The following CLNK variants were observed in gnomAD, a reference collection of about 807,000 sequenced individuals.
The protein encoded by CLNK is cytokine-dependent hematopoietic cell linker.
A neutral mutation model predicts 68.6 loss-of-function variants in CLNK; 74 were observed. The ratio of observed to expected loss-of-function variants is 1.08; its 90% confidence interval spans 0.89 to 1.31. CLNK has a LOEUF of 1.31. Among genes scored for constraint, CLNK ranks in the 50% most tolerant of loss-of-function variants. CLNK has a pLI of 0.00. For missense variants in CLNK, 553 were observed against 515.3 expected (o/e 1.07, Z -0.71); for synonymous variants, 198 against 172.2 (o/e 1.15, Z -1.17).
At chr4:10,602,662 C>T (rs890489276) in intron 2 of CLNK, among the ~76,000 whole-genome samples, 1 of 152,138 alleles carries the variant, frequency 6.6e-6, no homozygotes, top group Non-Finnish European at 1.5e-5. Context: ...TGTATTCAGC[C>T]AGTACGTTTA....
At chr4:10,618,330 G>C (rs1722309684) in intron 2 of CLNK, among the ~76,000 whole-genome samples, 1 of 152,172 alleles carries the variant, frequency 6.6e-6, no homozygotes, top group Admixed American at 6.5e-5. Flanking sequence ...CAAATCTGTA[G>C]AGAAAAAAGT....
At chr4:10,616,163 T>A (rs925570675) in intron 2 of CLNK, among the ~76,000 whole-genome samples, 9 of 152,256 alleles carry the variant, frequency 5.9e-5, no homozygotes, top group African/African-American at 1.9e-4. Flanking sequence ...TACATCTATT[T>A]TATCTGAATG....
chr4:10,715,126 T>C, the CLNK span, among the ~76,000 whole-genome samples: 107 of 152,338 alleles, frequency 7.0e-4, no homozygotes, highest in African/African-American at 2.5e-3. Context: ...TTATATATTG[T>C]CAAAGTGTGT....
chr4:10,491,380 GTA>G (rs1311729311), intron 18 of CLNK, among the ~76,000 whole-genome samples: 2 of 69,924 alleles, frequency 2.9e-5, no homozygotes, highest in Non-Finnish European at 7.9e-5. Context: ...CTCGAATGTA[GTA>G]AATTGGTGGG....
intron 2 of CLNK, among the ~76,000 whole-genome samples, chr4:10,599,288 T>C (rs1201633111): frequency 6.6e-6 from 1 of 152,196 alleles, no homozygotes; most frequent in Non-Finnish European, 1.5e-5. Flanking sequence ...TTATGATGAC[T>C]TGAGGCTCTC....
In CLNK at chr4:10,539,863, T is replaced by A. The variant is rs150535152; in HGVS notation, c.602+631A>T. On this transcript the variant is annotated intron_variant, in intron 11 of 18. Coordinates refer to ENST00000226951, the MANE Select transcript of CLNK (RefSeq NM_052964.4). ...TCTGAATCCCCTTTCAGTTCTTACA[T>A]AAAATATGCTGATTCTGTTCTGGCA... 6.3e-3 allele frequency among the ~76,000 whole-genome samples: 965 copies of A among 152,370 alleles called. 29 individuals are homozygous for A. The South Asian group carries it at 0.071, about 11-fold the overall frequency.
chr4:10,641,860 T>C (rs4259057), intron 2 of CLNK, among the ~76,000 whole-genome samples: 32,813 of 152,068 alleles, frequency 0.22, 3,861 homozygotes, highest in Middle Eastern at 0.33. Flanking sequence ...CTCATGGTAG[T>C]GATTAAGTCT....
At chr4:10,511,984 A>G (rs1191708474) in intron 16 of CLNK, among the ~76,000 whole-genome samples, 1 of 152,186 alleles carries the variant, frequency 6.6e-6, no homozygotes. Context: ...AATATTATTA[A>G]CTAAATGTTA....
At chr4:10,530,118 A>AT (rs1011418600) in intron 12 of CLNK, among the ~76,000 whole-genome samples, 4 of 148,650 alleles carry the variant, frequency 2.7e-5, no homozygotes, top group African/African-American at 5.0e-5. Context: ...CTAATTCTGT[A>AT]TTTTTTTTAA....
chr4:10,617,186 C>T (rs1430202472), intron 2 of CLNK, among the ~76,000 whole-genome samples: 3 of 152,164 alleles, frequency 2.0e-5, no homozygotes, highest in African/African-American at 7.2e-5. Flanking sequence ...TCTTTCCTCC[C>T]CTCCCCATCC....
At chr4:10,511,169 T>G (rs1205270101) in intron 16 of CLNK, among the ~76,000 whole-genome samples, 3 of 147,632 alleles carry the variant, frequency 2.0e-5, no homozygotes, top group Non-Finnish European at 4.5e-5. Flanking sequence ...CAAAAAAAAT[T>G]AAAAAAAAAA....
chr4:10,679,859 A>C (rs1190916241), intron 1 of CLNK, among the ~76,000 whole-genome samples: 1 of 152,204 alleles, frequency 6.6e-6, no homozygotes, highest in Non-Finnish European at 1.5e-5. Context: ...TTAAAAAGTC[A>C]GGAAACAACA....
At chr4:10,668,567 C>T (rs1481908786) in intron 1 of CLNK, among the ~76,000 whole-genome samples, 1 of 152,038 alleles carries the variant, frequency 6.6e-6, no homozygotes, top group Admixed American at 6.6e-5. Context: ...AATTTGAGAA[C>T]AGCTTAATAA....
intron 12 of CLNK, among the ~76,000 whole-genome samples, chr4:10,530,035 C>A (rs1345793093): frequency 1.3e-5 from 2 of 151,908 alleles, no homozygotes; most frequent in Admixed American, 6.6e-5. Flanking sequence ...TCCTTCCTCC[C>A]TTTCTTTCAC....
chr4:10,723,929 A>C, the CLNK span, among the ~76,000 whole-genome samples: 3 of 149,914 alleles, frequency 2.0e-5, no homozygotes, highest in Non-Finnish European at 4.4e-5. Flanking sequence ...AAGGCAGGGC[A>C]GCGTGGCTTT....
At chr4:10,585,476 T>C (rs1452719911) in intron 3 of CLNK, among the ~76,000 whole-genome samples, 1 of 152,254 alleles carries the variant, frequency 6.6e-6, no homozygotes, top group Non-Finnish European at 1.5e-5. Flanking sequence ...GCTGTTTCTG[T>C]ACCTCACTTC....
intron 11 of CLNK, among the ~76,000 whole-genome samples, chr4:10,539,525 C>T (rs558572982): frequency 6.6e-6 from 1 of 152,256 alleles, no homozygotes; most frequent in Non-Finnish European, 1.5e-5. Flanking sequence ...TCATTCTATG[C>T]AGAAACAAGG....
chr4:10,644,482 C>A (rs1723433732), intron 2 of CLNK, among the ~76,000 whole-genome samples: 1 of 152,058 alleles, frequency 6.6e-6, no homozygotes, highest in Non-Finnish European at 1.5e-5. Flanking sequence ...GAGGTTTGGT[C>A]GCATGTAAAT....
chr4:10,624,549 C>T (rs1195966154), intron 2 of CLNK, among the ~76,000 whole-genome samples: 3 of 151,866 alleles, frequency 2.0e-5, no homozygotes, highest in Non-Finnish European at 4.4e-5. Context: ...GCCTTAGCCT[C>T]CCAACGTGCT....
Sources: gnomAD v4.1 joint callset for allele counts (sites outside exome capture counted in the v4.1 genomes callset) on GRCh38, gnomAD v4.1.1 for gene constraint, MANE v1.5 for transcripts, NCBI Gene and HGNC (gene_info 2026-07-23, HGNC 2026-07-21) for gene names.